Variants in KAZN observed in about 807,000 individuals in gnomAD.
KAZN encodes kazrin.
In KAZN, 40 loss-of-function variants were observed where a neutral mutation model predicts 87.4. That is an observed-to-expected ratio of 0.46 (90% confidence interval 0.36 to 0.60). KAZN has a LOEUF of 0.60. KAZN is among the 20% of genes least tolerant of loss of function. The pLI is 0.00. For missense variants in KAZN, 898 were observed against 1,073.9 expected, an observed-to-expected ratio of 0.84 and a Z score of 2.29; for synonymous variants, 466 against 458.3, an observed-to-expected ratio of 1.02 and a Z score of -0.22.
In KAZN at chr1:14,211,645, G is replaced by T. The variant is rs112697961; in HGVS notation, c.249+31053G>T. 6.2e-4 allele frequency among the ~76,000 whole-genome samples: 95 copies of T among 152,268 alleles called. 1 individual carries two copies. Among genetic ancestry groups the T allele is most frequent in the African/African-American group, 2.1e-3 (89 of 41,558 alleles). On this transcript the variant is annotated intron_variant, in intron 2 of 16. Transcript: ENST00000636203. ...AGATGTCTTGTATGGGCTTGAGAGA[G>T]CTGATTAATTGAATGTTCCAGGATT...
At chr1:15,041,443 T>G (rs1245088658) in intron 3 of KAZN, among the ~76,000 whole-genome samples, 4 of 151,428 alleles carry the variant, frequency 2.6e-5, no homozygotes, top group Admixed American at 2.6e-4. Context: ...GTTCAAGCGA[T>G]TCTCCTGCCT....
chr1:13,984,181 T>C (rs1023194245), intron 1 of KAZN, among the ~76,000 whole-genome samples: 3 of 152,066 alleles, frequency 2.0e-5, no homozygotes, highest in African/African-American at 7.2e-5. Context: ...CGGCTAATTT[T>C]TTGTATTTTT....
intron 1 of KAZN, among the ~76,000 whole-genome samples, chr1:14,844,462 C>G (rs1340697668): frequency 2.0e-5 from 3 of 152,166 alleles, no homozygotes; most frequent in Non-Finnish European, 1.5e-5. Context: ...TTTGGAAACA[C>G]CCTTCATATT....
intron 1 of KAZN, among the ~76,000 whole-genome samples, chr1:14,109,568 T>A (rs1409435796): frequency 6.6e-6 from 1 of 152,194 alleles, no homozygotes; most frequent in Non-Finnish European, 1.5e-5. Context: ...ATCTATAATG[T>A]CCTTTCTGCT....
chr1:14,156,944 G>A (rs1415494503), intron 1 of KAZN, among the ~76,000 whole-genome samples: 1 of 148,094 alleles, frequency 6.8e-6, no homozygotes, highest in Non-Finnish European at 1.5e-5. Flanking sequence ...TTTTTTTGGT[G>A]AAGGTGATGT....
intron 1 of KAZN, among the ~76,000 whole-genome samples, chr1:14,150,067 G>A (rs1645440341): frequency 6.6e-6 from 1 of 152,144 alleles, no homozygotes; most frequent in Non-Finnish European, 1.5e-5. Context: ...ACTTTCACAA[G>A]CATTGTCTCA....
intron 1 of KAZN, among the ~76,000 whole-genome samples, chr1:14,918,707 A>AATATAT (rs201058383): frequency 0.01 from 245 of 24,424 alleles, 4 homozygotes; most frequent in Non-Finnish European, 0.011. Context: ...AAAAAAAAAA[A>AATATAT]ATATATATAT....
At chr1:14,604,362 C>T (rs544810393) in intron 1 of KAZN, among the ~76,000 whole-genome samples, 4 of 152,292 alleles carry the variant, frequency 2.6e-5, no homozygotes, top group East Asian at 1.9e-4. Context: ...AAGAGTTCTG[C>T]TGACCCCTGT....
At chr1:14,583,331 C>T (rs760908341) in intron 2 of KAZN, among the ~76,000 whole-genome samples, 8 of 152,110 alleles carry the variant, frequency 5.3e-5, no homozygotes, top group Admixed American at 2.6e-4. Context: ...AGAGTGATCA[C>T]GATGATTACA....
intron 1 of KAZN, among the ~76,000 whole-genome samples, chr1:13,949,554 T>TC (rs1641271085): frequency 1.3e-5 from 2 of 151,846 alleles, no homozygotes; most frequent in Non-Finnish European, 2.9e-5. Flanking sequence ...GAGATTTTTT[T>TC]CCATGTCTAT....
intron 1 of KAZN, among the ~76,000 whole-genome samples, chr1:14,951,032 C>T (rs754103123): frequency 6.6e-6 from 1 of 152,120 alleles, no homozygotes; most frequent in Non-Finnish European, 1.5e-5. Context: ...TGGGGACATC[C>T]CCTAGGGTTT....
chr1:14,677,029 A>AGT (rs760613256), intron 1 of KAZN, among the ~76,000 whole-genome samples: 7 of 152,178 alleles, frequency 4.6e-5, no homozygotes, highest in Non-Finnish European at 7.3e-5. Context: ...ATAGCATTGG[A>AGT]GTGTTACCAT....
At chr1:14,939,124 C>G (rs1000837392) in intron 1 of KAZN, among the ~76,000 whole-genome samples, 3 of 152,134 alleles carry the variant, frequency 2.0e-5, no homozygotes, top group African/African-American at 7.2e-5. Context: ...AGGCACCCAC[C>G]ACCACACCAG....
chr1:14,372,412 G>C (rs758053677), intron 2 of KAZN, among the ~76,000 whole-genome samples: 11 of 152,124 alleles, frequency 7.2e-5, no homozygotes, highest in Non-Finnish European at 1.6e-4. Context: ...CTCAACCTTC[G>C]TGCTAGTGAC....
chr1:14,631,349 T>C (rs1470844315), intron 1 of KAZN, among the ~76,000 whole-genome samples: 2 of 152,206 alleles, frequency 1.3e-5, no homozygotes, highest in Admixed American at 1.3e-4. Flanking sequence ...CTTGGACATT[T>C]TAGTTACATA....
At chr1:14,688,347 T>C (rs1441107011) in intron 1 of KAZN, among the ~76,000 whole-genome samples, 4 of 152,202 alleles carry the variant, frequency 2.6e-5, no homozygotes, top group Non-Finnish European at 4.4e-5. Context: ...CTCAAGTTCT[T>C]CCAGAGGCTG....
chr1:14,843,982 A>G (rs1247905315), intron 1 of KAZN, among the ~76,000 whole-genome samples: 1 of 152,230 alleles, frequency 6.6e-6, no homozygotes, highest in African/African-American at 2.4e-5. Flanking sequence ...GCGTGGTTTT[A>G]ATAAGTTTAA....
At chr1:14,785,795 G>T (rs1299112142) in intron 1 of KAZN, among the ~76,000 whole-genome samples, 4 of 152,160 alleles carry the variant, frequency 2.6e-5, no homozygotes, top group African/African-American at 9.7e-5. Flanking sequence ...TACTCAAGAA[G>T]TAGAGGCAAT....
intron 2 of KAZN, among the ~76,000 whole-genome samples, chr1:14,328,567 G>A (rs1041331239): frequency 6.6e-6 from 1 of 151,988 alleles, no homozygotes; most frequent in Non-Finnish European, 1.5e-5. Context: ...GCTGGGCGTG[G>A]TGGTGAGCGC....
Sources: allele counts gnomAD v4.1 joint callset (sites outside exome capture counted in the v4.1 genomes callset), GRCh38; gene constraint gnomAD v4.1.1; transcripts MANE v1.5; gene names NCBI Gene and HGNC (gene_info 2026-07-23, HGNC 2026-07-21).